GSTO1: variants seen among roughly 807,000 people sequenced by gnomAD.
GSTO1 encodes glutathione S-transferase omega-1.
Under a neutral mutation model 23.8 loss-of-function variants are expected in GSTO1, and 27 were observed. That is an observed-to-expected ratio of 1.13 (90% confidence interval 0.83 to 1.56). The LOEUF (loss-of-function observed/expected upper bound fraction) is 1.56, where lower values mean the gene tolerates loss of function less well. Among genes scored for constraint, GSTO1 ranks in the 40% most tolerant of loss-of-function variants. The pLI is 0.00. For synonymous variants in GSTO1, 105 were observed against 109.3 expected, an observed-to-expected ratio of 0.96 and a Z score of 0.25; for missense variants, 255 against 285.8, an observed-to-expected ratio of 0.89 and a Z score of 0.78.
chr10:104,258,861 A>T (rs1439614204), intron 2 of GSTO1, among the ~76,000 whole-genome samples: 1 of 152,250 alleles, frequency 6.6e-6, no homozygotes, highest in Non-Finnish European at 1.5e-5. Flanking sequence ...AATTAAAAAA[A>T]TAGACATTTC....
intron 2 of GSTO1, among the ~76,000 whole-genome samples, chr10:104,258,941 C>A (rs1387674287): frequency 6.6e-6 from 1 of 152,110 alleles, no homozygotes; most frequent in African/African-American, 2.4e-5. Flanking sequence ...CAGGAAAATG[C>A]AAATCAAAAT....
chr10:104,259,155 C>A (rs1332310956), intron 2 of GSTO1, among the ~76,000 whole-genome samples: 1 of 152,166 alleles, frequency 6.6e-6, no homozygotes, highest in Non-Finnish European at 1.5e-5. Context: ...GGGTATATAT[C>A]CAAATTAAAT....
chr10:104,255,173 C>G lies in GSTO1; in HGVS notation c.45C>G (p.Pro15=), dbSNP rs746736564. 1.2e-6 allele frequency: 2 copies of G among 1,613,128 alleles called. No homozygotes were observed. Among genetic ancestry groups the G allele is most frequent in the South Asian group, 1.1e-5 (1 of 91,058 alleles). Residue 15 remains proline, a synonymous_variant, in exon 2 of 6, where the codon CCC becomes CCG. Coordinates refer to ENST00000369713, the MANE Select transcript of GSTO1 (RefSeq NM_004832.3). ...GCTTCTCCCCGGCAGGAAGCGCGCC[C>G]CCGGGGCCGGTCCCGGAGGGCTCGA... ...SARSLGKGSA[P]PGPVPEGSIR...
At chr10:104,257,275 A>G (rs2135052528) in intron 2 of GSTO1, among the ~76,000 whole-genome samples, 1 of 151,638 alleles carries the variant, frequency 6.6e-6, no homozygotes, top group East Asian at 1.9e-4. Flanking sequence ...TGTATGATTT[A>G]CTCAGACAAC....
At chr10:104,264,890 A>T (rs2011166857) in intron 4 of GSTO1, among the ~76,000 whole-genome samples, 1 of 152,328 alleles carries the variant, frequency 6.6e-6, no homozygotes, top group Admixed American at 6.5e-5. Context: ...TGCATCCAAA[A>T]GATGCTGGCA....
intron 4 of GSTO1, among the ~76,000 whole-genome samples, chr10:104,263,629 A>G (rs17116736): frequency 0.03 from 4,547 of 152,224 alleles, 157 homozygotes; most frequent in East Asian, 0.08. Flanking sequence ...CTTGGCCTTG[A>G]AATATTTCAT....
chr10:104,254,963 G>T lies in GSTO1; in HGVS notation c.34+1G>T. 6.2e-7 allele frequency: 1 copy of T among 1,608,812 alleles called. No homozygotes were observed. The highest frequency in any genetic ancestry group is 2.2e-5 in the East Asian group (1 of 44,642). ...GAGTCAGCCAGGAGCTTGGGGAAGG[G>T]TGAGGCCTGCCCGCCGCGAAGAGGG... On this transcript the variant is annotated splice_donor_variant, in intron 1 of 5. Coordinates refer to ENST00000369713, the MANE Select transcript of GSTO1 (RefSeq NM_004832.3). LOFTEE classifies it high-confidence loss of function.
At chr10:104,260,727 A>G (rs2011131744) in intron 3 of GSTO1, among the ~76,000 whole-genome samples, 1 of 152,220 alleles carries the variant, frequency 6.6e-6, no homozygotes, top group South Asian at 2.1e-4. Flanking sequence ...TATATAAAGG[A>G]TTATCTTTAG....
At chr10:104,255,053 GC>G (rs2091595333) in intron 1 of GSTO1, 91 bp downstream of exon 1, 58 of 1,459,500 alleles carry the variant, frequency 4.0e-5, no homozygotes, top group Admixed American at 5.8e-5. Context: ...GCCCGGGAGC[GC>G]CCCACCGGCG....
chr10:104,264,214 G>A (rs1313920679), intron 4 of GSTO1, among the ~76,000 whole-genome samples: 1 of 151,972 alleles, frequency 6.6e-6, no homozygotes, highest in Admixed American at 6.6e-5. Flanking sequence ...CTTTAACAGG[G>A]GTAGATTTTT....
rs1040049344 is a variant in GSTO1 at position 104,267,004 on chromosome 10, C to G, written c.573-248C>G. 6.6e-5 allele frequency among the ~76,000 whole-genome samples: 10 copies of G among 152,270 alleles called. 1 individual carries two copies. The East Asian group carries it at 1.7e-3, about 26-fold the overall frequency. Reference sequence around the variant, plus strand: ...TTATTTTAATAAATTGTCAGTTTCTCTCTTTGGGCAAGTTCTCACATTAAC... The same window carrying G: ...TTATTTTAATAAATTGTCAGTTTCTGTCTTTGGGCAAGTTCTCACATTAAC... On this transcript the variant is annotated intron_variant, in intron 5 of 5. Coordinates refer to ENST00000369713, the MANE Select transcript of GSTO1 (RefSeq NM_004832.3).
intron 2 of GSTO1, among the ~76,000 whole-genome samples, chr10:104,259,336 T>C (rs1411346649): frequency 2.6e-5 from 4 of 152,144 alleles, no homozygotes; most frequent in Non-Finnish European, 5.9e-5. Flanking sequence ...GGATGGACAT[T>C]GCGGACATTA....
At chr10:104,258,324 C>T (rs1216022965) in intron 2 of GSTO1, among the ~76,000 whole-genome samples, 1 of 152,188 alleles carries the variant, frequency 6.6e-6, no homozygotes, top group Non-Finnish European at 1.5e-5. Context: ...AGCTTCATGA[C>T]ACTGGCCTTG....
intron 2 of GSTO1, among the ~76,000 whole-genome samples, chr10:104,257,782 T>C (rs1453407422): frequency 6.6e-6 from 1 of 152,238 alleles, no homozygotes; most frequent in Non-Finnish European, 1.5e-5. Context: ...CCTCATATGA[T>C]TTATAACTAA....
At chr10:104,255,028 TCCGGGAGCCCAGCCGC>T (rs2091595102) in intron 1 of GSTO1, 66 bp downstream of exon 1, 3 of 1,522,934 alleles carry the variant, frequency 2.0e-6, no homozygotes, top group Non-Finnish European at 2.7e-6. Context: ...TCGAGGCTGC[TCCGGGAGCCCAGCCGC>T]CCGGGAGCGC....
chr10:104,259,838 T>C, intron 3 of GSTO1, 40 bp downstream of exon 3: 1 of 1,402,432 alleles, frequency 7.1e-7, no homozygotes, highest in Non-Finnish European at 1.0e-6. Context: ...TTGAAAAACC[T>C]GTTTTTTAAA....
rs1175535889 is a variant in GSTO1 at position 104,263,061 on chromosome 10, T to G, written c.449T>G (p.Phe150Cys). Residue 150 changes from phenylalanine to cysteine, a missense_variant, in exon 4 of 6, where the codon TTT becomes TGT. Physicochemically the swap from Phe to Cys is radical, Grantham distance 205. Coordinates refer to ENST00000369713, the MANE Select transcript of GSTO1 (RefSeq NM_004832.3). Reference protein sequence around the residue: ...AGLKEEFRKEFTKLEEVLTNK... With the variant: ...AGLKEEFRKECTKLEEVLTNK... ...CTAAAAGAAGAATTTCGTAAAGAAT[T>G]TACCAAGCTAGAGGAGGTAATTATT... 6.9e-7 allele frequency: 1 copy of G among 1,449,602 alleles called. No individual in the cohort carries two copies. The highest frequency in any genetic ancestry group is 9.7e-7 in the Non-Finnish European group (1 of 1,031,914). The allele number at this position is 1,449,602 out of a possible 1,614,324, so 89.8% of individuals were successfully genotyped here.
intron 5 of GSTO1, among the ~76,000 whole-genome samples, chr10:104,267,026 TA>T: frequency 6.6e-6 from 1 of 152,244 alleles, no homozygotes; most frequent in East Asian, 1.9e-4. Flanking sequence ...GTTCTCACAT[TA>T]ACTGAACAAA....
In GSTO1 at chr10:104,259,678, G is replaced by C; in HGVS notation, c.246G>C (p.Leu82=). Residue 82 remains leucine (L), a synonymous_variant, in exon 3 of 6, where the codon CTG becomes CTC. Transcript: ENST00000369713. ...VPVLENSQGQ[L]IYESAITCEY... ...TTCTGGAAAACAGTCAGGGTCAGCT[G>C]ATCTACGAGTCTGCCATCACCTGTG... 1 of 1,613,230 alleles carries C rather than the reference G, an allele frequency of 6.2e-7. No individual in the cohort carries two copies. Among genetic ancestry groups the C allele is most frequent in the Non-Finnish European group, 8.5e-7 (1 of 1,179,218 alleles).
Sources: allele counts gnomAD v4.1 joint callset (sites outside exome capture counted in the v4.1 genomes callset), GRCh38; gene constraint gnomAD v4.1.1; transcripts MANE v1.5; gene names NCBI Gene and HGNC (gene_info 2026-07-23, HGNC 2026-07-21).